Variants in CELF2 observed in about 807,000 individuals in gnomAD.
The protein encoded by CELF2 is CUG triplet repeat RNA-binding protein 2.
A neutral mutation model predicts 62.6 loss-of-function variants in CELF2; 8 were observed. That is an observed-to-expected ratio of 0.13 (90% CI 0.07 to 0.23). The LOEUF is 0.23. Ranked by LOEUF, CELF2 falls within the 10% of genes least tolerant of loss-of-function variation. CELF2 has a pLI of 1.00. For missense variants in CELF2, 333 were observed against 671.0 expected (o/e 0.50, Z 5.56); for synonymous variants, 258 against 250.0 (o/e 1.03, Z -0.30).
chr10:10,731,739 A>G, the CELF2 span, among the ~76,000 whole-genome samples: 3 of 152,300 alleles, frequency 2.0e-5, no homozygotes, highest in East Asian at 3.9e-4. Context: ...ACAACCTTCA[A>G]CACCGCAAAC....
chr10:11,143,057 C>T (rs1467008277), intron 1 of CELF2, among the ~76,000 whole-genome samples: 1 of 151,040 alleles, frequency 6.6e-6, no homozygotes, highest in Non-Finnish European at 1.5e-5. Context: ...ACTGGGGGGA[C>T]TCACTCCCCT....
At chr10:11,029,305 A>T (rs1472810000) in intron 1 of CELF2, among the ~76,000 whole-genome samples, 1 of 152,112 alleles carries the variant, frequency 6.6e-6, no homozygotes. Context: ...CTTTATTCTG[A>T]TGTAGCTGAT....
At chr10:11,308,699 T>G (rs932040420) in intron 9 of CELF2, among the ~76,000 whole-genome samples, 12 of 152,364 alleles carry the variant, frequency 7.9e-5, no homozygotes, top group African/African-American at 2.9e-4. Context: ...TGCAGATTAT[T>G]TCACTGGACT....
At chr10:10,998,913 C>T (rs1473510675) in intron 2 of CELF2, among the ~76,000 whole-genome samples, 1 of 152,142 alleles carries the variant, frequency 6.6e-6, no homozygotes, top group Non-Finnish European at 1.5e-5. Flanking sequence ...TTCTACCTGC[C>T]TGCAGTTTAT....
At chr10:10,932,601 A>G (rs1036778422) in intron 2 of CELF2, among the ~76,000 whole-genome samples, 12 of 152,144 alleles carry the variant, frequency 7.9e-5, no homozygotes, top group Non-Finnish European at 1.6e-4. Context: ...AAAAGTAGGA[A>G]TCAATTTTAG....
At chr10:10,616,080 G>A in the CELF2 span, among the ~76,000 whole-genome samples, 2 of 152,014 alleles carry the variant, frequency 1.3e-5, no homozygotes, top group African/African-American at 4.8e-5. Flanking sequence ...ATAAGATAAG[G>A]TGATTGGCAT....
At chr10:11,193,838 A>C (rs1452589846) in intron 2 of CELF2, among the ~76,000 whole-genome samples, 1 of 152,178 alleles carries the variant, frequency 6.6e-6, no homozygotes, top group Admixed American at 6.5e-5. Context: ...ATGACGCTTC[A>C]TGTTTATAGA....
At chr10:10,980,568 C>A (rs1007578903) in intron 2 of CELF2, among the ~76,000 whole-genome samples, 2 of 152,196 alleles carry the variant, frequency 1.3e-5, no homozygotes, top group African/African-American at 4.8e-5. Flanking sequence ...ATGGCAATCA[C>A]CTTGCATCAA....
At chr10:10,500,644 A>G in the CELF2 span, among the ~76,000 whole-genome samples, 3 of 152,180 alleles carry the variant, frequency 2.0e-5, no homozygotes, top group South Asian at 2.1e-4. Context: ...TTGCCCAGTC[A>G]GGTATGTCTT....
At chr10:11,225,416 C>G (rs992345910) in intron 3 of CELF2, among the ~76,000 whole-genome samples, 4 of 152,204 alleles carry the variant, frequency 2.6e-5, no homozygotes, top group Non-Finnish European at 4.4e-5. Context: ...TCTTGCAAAA[C>G]TCTTCTTTGC....
At chr10:10,712,167 A>AAAAAAAAC in the CELF2 span, among the ~76,000 whole-genome samples, 1 of 148,844 alleles carries the variant, frequency 6.7e-6, no homozygotes, top group African/African-American at 2.5e-5. Flanking sequence ...AAAAAAAAAA[A>AAAAAAAAC]AAAAAACTGG....
chr10:10,984,231 G>C (rs1236505244), intron 2 of CELF2, among the ~76,000 whole-genome samples: 1 of 152,190 alleles, frequency 6.6e-6, no homozygotes, highest in Non-Finnish European at 1.5e-5. Context: ...TCCGCTCCAA[G>C]CCCTATCTTA....
intron 1 of CELF2, among the ~76,000 whole-genome samples, chr10:11,125,176 G>C (rs1467559846): frequency 1.3e-5 from 2 of 152,166 alleles, no homozygotes; most frequent in Non-Finnish European, 2.9e-5. Context: ...TGTAGTGTGA[G>C]GACCTCTGGG....
chr10:10,619,280 ACTGCC>A, the CELF2 span, among the ~76,000 whole-genome samples: 1 of 152,168 alleles, frequency 6.6e-6, no homozygotes, highest in Non-Finnish European at 1.5e-5. Flanking sequence ...ACCCTCACTA[ACTGCC>A]TAGATAATTT....
intron 4 of CELF2, among the ~76,000 whole-genome samples, chr10:11,256,225 G>A (rs1344436115): frequency 1.3e-5 from 2 of 152,168 alleles, no homozygotes; most frequent in Non-Finnish European, 2.9e-5. Flanking sequence ...GTCCCTTTAA[G>A]TGCTCAGCAG....
chr10:11,293,369 G>C (rs57246592), intron 9 of CELF2, among the ~76,000 whole-genome samples: 2,023 of 152,328 alleles, frequency 0.013, 58 homozygotes, highest in African/African-American at 0.045. Flanking sequence ...AGTAAAAACT[G>C]TTTTCAGTAA....
At chr10:10,786,352 C>T in the CELF2 span, among the ~76,000 whole-genome samples, 7 of 151,934 alleles carry the variant, frequency 4.6e-5, no homozygotes, top group Non-Finnish European at 1.0e-4. Context: ...GATTTCTGGT[C>T]TTGGGTATTT....
At chr10:10,830,729 C>T (rs1308157828) in intron 1 of CELF2, among the ~76,000 whole-genome samples, 2 of 151,780 alleles carry the variant, frequency 1.3e-5, no homozygotes, top group South Asian at 2.1e-4. Context: ...AAAGCATTCG[C>T]GTAAAGAAAA....
chr10:10,531,965 C>A, the CELF2 span, among the ~76,000 whole-genome samples: 3 of 152,122 alleles, frequency 2.0e-5, no homozygotes, highest in Non-Finnish European at 4.4e-5. Flanking sequence ...CTCTACCTTA[C>A]GAGAAAAACA....
Sources: allele counts gnomAD v4.1 joint callset (sites outside exome capture counted in the v4.1 genomes callset), GRCh38; gene constraint gnomAD v4.1.1; transcripts MANE v1.5; gene names NCBI Gene and HGNC (gene_info 2026-07-23, HGNC 2026-07-21).